Variants in ABCA13 observed in about 807,000 individuals in gnomAD.
ABCA13 encodes the protein ATP-binding cassette sub-family A member 13.
Under a neutral mutation model 478.7 loss-of-function variants are expected in ABCA13, and 476 were observed. The ratio of observed to expected loss-of-function variants is 0.99; its 90% CI spans 0.92 to 1.07. ABCA13 has a LOEUF of 1.07. Among genes scored for constraint, ABCA13 ranks in the 50% least tolerant of loss-of-function variants. ABCA13 has a pLI of 0.00. For missense variants in ABCA13, 6,060 were observed against 5,910.6 expected (o/e 1.03, Z -0.83); for synonymous variants, 2,252 against 2,158.9 (o/e 1.04, Z -1.20).
intron 23 of ABCA13, among the ~76,000 whole-genome samples, chr7:48,303,513 T>C (rs1317087461): frequency 6.6e-6 from 1 of 152,180 alleles, no homozygotes; most frequent in African/African-American, 2.4e-5. Flanking sequence ...GATTTTTGTA[T>C]AGCATAAGGA....
chr7:48,602,334 T>C (rs529598572), intron 58 of ABCA13, among the ~76,000 whole-genome samples: 9 of 152,202 alleles, frequency 5.9e-5, no homozygotes, highest in Non-Finnish European at 1.0e-4. Context: ...CTAGGTTTTC[T>C]TCTAGGGTTT....
chr7:48,545,746 A>C (rs777746006), intron 55 of ABCA13, among the ~76,000 whole-genome samples: 3 of 146,978 alleles, frequency 2.0e-5, no homozygotes, highest in Non-Finnish European at 4.5e-5. Context: ...GAGAGAGAAT[A>C]GATTTGAAAA....
intron 38 of ABCA13, among the ~76,000 whole-genome samples, chr7:48,403,079 G>A (rs1433761406): frequency 6.6e-6 from 1 of 152,220 alleles, no homozygotes; most frequent in African/African-American, 2.4e-5. Flanking sequence ...GCTTTGCACT[G>A]GGTATCTGAG....
chr7:48,245,636 A>G (rs1174724628), intron 12 of ABCA13, 24 bp downstream of exon 12: 2 of 1,587,018 alleles, frequency 1.3e-6, no homozygotes, highest in East Asian at 2.2e-5. Flanking sequence ...AATAATTATA[A>G]ATAAGCATTT....
chr7:48,618,381 C>T (rs559795194), intron 59 of ABCA13, among the ~76,000 whole-genome samples: 1 of 152,304 alleles, frequency 6.6e-6, no homozygotes, highest in East Asian at 1.9e-4. Flanking sequence ...GCATTAACAC[C>T]CCAGCATCCT....
intron 45 of ABCA13, among the ~76,000 whole-genome samples, chr7:48,480,082 A>G (rs968426288): frequency 1.3e-5 from 2 of 152,218 alleles, no homozygotes; most frequent in Non-Finnish European, 2.9e-5. Flanking sequence ...CTTCCTCAAG[A>G]AACTGATCCT....
chr7:48,594,764 A>G lies in ABCA13; in HGVS notation c.14695A>G (p.Ile4899Val), dbSNP rs770895727. The part of the protein sequence containing the change: ...PCSKRYLWQT[I>V]MKEVREGCAA... ...CTCTAAGCGGTACCTGTGGCAAACA[A>G]TAATGAAGGAGGTTCGGGAAGGCTG... The change falls in exon 58 of 62, where the codon ATA (isoleucine) becomes GTA (valine). Residue 4899 changes from isoleucine (I) to valine (V), a missense_variant. Ile to Val is a conservative substitution (Grantham distance 29). Coordinates refer to ENST00000435803, the MANE Select transcript of ABCA13 (RefSeq NM_152701.5). 6.2e-7 allele frequency: 1 copy of G among 1,613,986 alleles called. No homozygotes were observed. The highest frequency in any genetic ancestry group is 1.1e-5 in the South Asian group (1 of 91,088).
At chr7:48,297,996 G>A (rs1487303944) in intron 22 of ABCA13, among the ~76,000 whole-genome samples, 4 of 150,344 alleles carry the variant, frequency 2.7e-5, no homozygotes, top group Non-Finnish European at 4.4e-5. Context: ...ATGTTGGTCA[G>A]GCTGGTCTCG....
chr7:48,216,357 C>A (rs1321028876), intron 3 of ABCA13, among the ~76,000 whole-genome samples: 1 of 152,104 alleles, frequency 6.6e-6, no homozygotes, highest in Non-Finnish European at 1.5e-5. Context: ...TGTTGACAAT[C>A]TTTTTATGTA....
chr7:48,214,848 T>G (rs1786207112), intron 3 of ABCA13, among the ~76,000 whole-genome samples: 1 of 152,224 alleles, frequency 6.6e-6, no homozygotes, highest in South Asian at 2.1e-4. Context: ...CACTTTCTTA[T>G]CATTTGTGTT....
At chr7:48,611,854 A>C (rs1037060453) in intron 58 of ABCA13, 1 of 152,242 alleles carries the variant, frequency 6.6e-6, no homozygotes, top group Admixed American at 6.5e-5. Context: ...CTTTAATTAG[A>C]GTACCTACAG....
chr7:48,410,383 A>G, intron 39 of ABCA13, 137 bp from the exon 40 acceptor site: 1 of 1,093,470 alleles, frequency 9.1e-7, no homozygotes, highest in Non-Finnish European at 1.3e-6. Flanking sequence ...GCCAGGACGC[A>G]TTTCAATTTT....
chr7:48,592,263 T>C (rs1789836785), intron 57 of ABCA13, among the ~76,000 whole-genome samples: 2 of 151,906 alleles, frequency 1.3e-5, no homozygotes, highest in African/African-American at 2.4e-5. Context: ...ATAAGTTTTG[T>C]TTTGTTTCCA....
intron 5 of ABCA13, among the ~76,000 whole-genome samples, chr7:48,227,056 TA>T (rs912150163): frequency 2.1e-4 from 32 of 151,028 alleles, no homozygotes; most frequent in East Asian, 1.9e-4. Flanking sequence ...TTTAAGCCAT[TA>T]AAAAAAAATC....
At chr7:48,358,568 T>G (rs765836937) in intron 31 of ABCA13, among the ~76,000 whole-genome samples, 2 of 151,994 alleles carry the variant, frequency 1.3e-5, no homozygotes, top group African/African-American at 2.4e-5. Flanking sequence ...CATATAGTTA[T>G]TCCTCTATTC....
At chr7:48,629,147 T>C (rs1372231812) in intron 59 of ABCA13, among the ~76,000 whole-genome samples, 3 of 152,202 alleles carry the variant, frequency 2.0e-5, no homozygotes, top group Non-Finnish European at 4.4e-5. Context: ...TCCTAATTGC[T>C]GCCATGGCCT....
In ABCA13 at chr7:48,640,300, G is replaced by C. The variant is rs115254247; in HGVS notation, c.14838-2988G>C. Reference sequence around the variant, plus strand: ...ATAGGCACTTGGTATAACTTGACAAGTGATTTTTCAGAAATGTCTCTGCAG... The same window carrying C: ...ATAGGCACTTGGTATAACTTGACAACTGATTTTTCAGAAATGTCTCTGCAG... On this transcript the variant is annotated intron_variant, in intron 59 of 61. Transcript: ENST00000435803. Among the ~76,000 whole-genome samples the C allele has an allele frequency of 7.1e-3, 1,080 of 152,270 alleles. 12 individuals carry two copies. The highest frequency in any genetic ancestry group is 0.024 in the African/African-American group (999 of 41,556).
chr7:48,598,789 CT>C (rs1025804289), intron 58 of ABCA13, among the ~76,000 whole-genome samples: 9 of 151,522 alleles, frequency 5.9e-5, no homozygotes, highest in African/African-American at 2.2e-4. Context: ...TTTCTTCTAT[CT>C]TTTTTTTCTA....
intron 59 of ABCA13, among the ~76,000 whole-genome samples, chr7:48,632,454 G>C (rs1794247305): frequency 6.6e-6 from 1 of 152,068 alleles, no homozygotes; most frequent in South Asian, 2.1e-4. Context: ...TTTGTTGTTT[G>C]TGGTTTTCGT....
Sources: allele counts gnomAD v4.1 joint callset (sites outside exome capture counted in the v4.1 genomes callset), GRCh38; gene constraint gnomAD v4.1.1; transcripts MANE v1.5; gene names NCBI Gene and HGNC (gene_info 2026-07-23, HGNC 2026-07-21).